The following CSGALNACT1 variants were observed in gnomAD, a reference collection of about 807,000 sequenced individuals.
The protein encoded by CSGALNACT1 is beta4GalNAcT-1.
CSGALNACT1 carries 52 observed loss-of-function variants against 51.0 expected under a neutral mutation model. The ratio of observed to expected loss-of-function variants is 1.02; its 90% CI spans 0.82 to 1.29. The LOEUF is 1.29. CSGALNACT1 is among the 50% of genes most tolerant of loss of function. The pLI is 0.00. For missense variants in CSGALNACT1, 935 were observed against 679.2 expected (o/e 1.38, Z -4.19); for synonymous variants, 341 against 254.4 (o/e 1.34, Z -3.24).
intron 2 of CSGALNACT1, among the ~76,000 whole-genome samples, chr8:19,597,019 G>A (rs902893682): frequency 2.6e-5 from 4 of 152,148 alleles, no homozygotes. Context: ...CACAGCCCCT[G>A]ACACCTCTCA....
intron 1 of CSGALNACT1, among the ~76,000 whole-genome samples, chr8:19,720,229 C>T (rs10503662): frequency 0.063 from 9,605 of 152,234 alleles, 328 homozygotes; most frequent in South Asian, 0.11. Context: ...TTTTCCATTA[C>T]AGGCAGCCAA....
At chr8:19,499,909 A>C (rs2076127651) in intron 4 of CSGALNACT1, among the ~76,000 whole-genome samples, 1 of 152,200 alleles carries the variant, frequency 6.6e-6, no homozygotes, top group South Asian at 2.1e-4. Context: ...CAGTTGCTAG[A>C]AATCCAAGAC....
intron 3 of CSGALNACT1, among the ~76,000 whole-genome samples, chr8:19,562,450 G>C (rs551644471): frequency 1.4e-5 from 2 of 146,206 alleles, no homozygotes; most frequent in South Asian, 4.3e-4. Flanking sequence ...AGCAAAAACT[G>C]ACAAATGGGG....
intron 1 of CSGALNACT1, among the ~76,000 whole-genome samples, chr8:19,712,043 T>C (rs978509827): frequency 6.6e-6 from 1 of 152,104 alleles, no homozygotes; most frequent in African/African-American, 2.4e-5. Flanking sequence ...TTTTTTCTTT[T>C]GAGACAGAGT....
chr8:19,454,338 T>C (rs2063703042), intron 5 of CSGALNACT1, among the ~76,000 whole-genome samples: 1 of 152,188 alleles, frequency 6.6e-6, no homozygotes, highest in Non-Finnish European at 1.5e-5. Flanking sequence ...ACTGTAGTTA[T>C]AAAGTAGAAT....
chr8:19,663,988 T>C (rs2154192399), intron 1 of CSGALNACT1, among the ~76,000 whole-genome samples: 1 of 152,266 alleles, frequency 6.6e-6, no homozygotes, highest in African/African-American at 2.4e-5. Flanking sequence ...AGAAATCTTT[T>C]CCAATTACCA....
At chr8:19,609,296 T>A (rs1385694215) in intron 1 of CSGALNACT1, among the ~76,000 whole-genome samples, 1 of 149,490 alleles carries the variant, frequency 6.7e-6, no homozygotes, top group Non-Finnish European at 1.5e-5. Flanking sequence ...GCATACAGAA[T>A]GTAAATGGAT....
intron 3 of CSGALNACT1, among the ~76,000 whole-genome samples, chr8:19,549,567 G>C (rs1368569037): frequency 6.6e-6 from 1 of 151,450 alleles, no homozygotes; most frequent in East Asian, 1.9e-4. Flanking sequence ...CTGTTCTCCA[G>C]GCCTGACACA....
At chr8:19,461,532 G>A (rs796665876) in intron 4 of CSGALNACT1, among the ~76,000 whole-genome samples, 2 of 145,256 alleles carry the variant, frequency 1.4e-5, no homozygotes, top group Non-Finnish European at 3.1e-5. Flanking sequence ...TATCCGCACA[G>A]CGGCCACATT....
chr8:19,715,363 A>T (rs1023793351), intron 1 of CSGALNACT1, among the ~76,000 whole-genome samples: 1 of 152,226 alleles, frequency 6.6e-6, no homozygotes, highest in Non-Finnish European at 1.5e-5. Context: ...CCCACTTATA[A>T]GTGAGAACAT....
Position 19,505,867 on chromosome 8 carries a change from C to T in CSGALNACT1, c.-33G>A. The T allele has an allele frequency of 1.2e-6, 2 of 1,603,802 alleles. No homozygotes were observed. Among genetic ancestry groups the T allele is most frequent in the Non-Finnish European group, 1.7e-6 (2 of 1,179,942 alleles). ...TCAGCCATGCGTCCAGAACCGGTGG[C>T]ATCCCTCAAAGCCGGGGCCCCCACG... On this transcript the variant is annotated 5_prime_UTR_variant, in exon 4 of 10. The change abolishes an upstream ATG in the 5' untranslated region. Coordinates refer to ENST00000454498, the Ensembl canonical transcript of CSGALNACT1.
At chr8:19,443,954 C>T (rs567413764) in intron 5 of CSGALNACT1, among the ~76,000 whole-genome samples, 5 of 152,292 alleles carry the variant, frequency 3.3e-5, no homozygotes, top group African/African-American at 1.2e-4. Flanking sequence ...ATTAGAGTCT[C>T]ATAAGGAACA....
At chr8:19,498,667 G>A (rs2075894438) in intron 4 of CSGALNACT1, among the ~76,000 whole-genome samples, 1 of 152,080 alleles carries the variant, frequency 6.6e-6, no homozygotes, top group African/African-American at 2.4e-5. Context: ...GTACAACGCA[G>A]CCAGAACCCC....
chr8:19,538,942 C>T (rs2084422681), intron 3 of CSGALNACT1, among the ~76,000 whole-genome samples: 2 of 152,166 alleles, frequency 1.3e-5, no homozygotes, highest in Admixed American at 1.3e-4. Flanking sequence ...TCCCTCCTGG[C>T]TCCTTCTCTT....
chr8:19,410,514 T>C (rs1448392433), intron 8 of CSGALNACT1, among the ~76,000 whole-genome samples: 1 of 152,174 alleles, frequency 6.6e-6, no homozygotes, highest in Non-Finnish European at 1.5e-5. Context: ...TCTTCAAATA[T>C]TTCGCTGAGG....
At chr8:19,405,421 T>A (rs193150319) in exon 10 of CSGALNACT1, 228 of 472,956 alleles carry the variant, frequency 4.8e-4, no homozygotes, top group Admixed American at 1.8e-3. Context: ...TTCATGCTAA[T>A]GAATTTTTTA....
At chr8:19,427,035 T>C (rs547303875) in intron 6 of CSGALNACT1, among the ~76,000 whole-genome samples, 7 of 152,216 alleles carry the variant, frequency 4.6e-5, no homozygotes, top group African/African-American at 1.4e-4. Flanking sequence ...CTTGAAGATA[T>C]TGGAATACAG....
intron 1 of CSGALNACT1, among the ~76,000 whole-genome samples, chr8:19,753,020 A>C (rs2065137063): frequency 6.6e-6 from 1 of 152,180 alleles, no homozygotes; most frequent in Admixed American, 6.5e-5. Context: ...GCTCTTGCCC[A>C]AACTAAATTG....
intron 5 of CSGALNACT1, among the ~76,000 whole-genome samples, chr8:19,450,221 G>C (rs2062904424): frequency 2.6e-5 from 2 of 77,848 alleles, no homozygotes; most frequent in African/African-American, 5.1e-5. Flanking sequence ...GGGAGGAAGA[G>C]GGAGGGGGAG....
Sources: allele counts gnomAD v4.1 joint callset (sites outside exome capture counted in the v4.1 genomes callset), GRCh38; gene constraint gnomAD v4.1.1; transcripts MANE v1.5; gene names NCBI Gene and HGNC (gene_info 2026-07-23, HGNC 2026-07-21).